The following TECRL variants were observed in gnomAD, a reference collection of about 807,000 sequenced individuals.
The protein encoded by TECRL is trans-2,3-enoyl-CoA reductase-like.
In TECRL, 63 loss-of-function variants were observed where a neutral mutation model predicts 52.8. The ratio of observed to expected loss-of-function variants is 1.19; its 90% CI spans 0.97 to 1.47. The LOEUF is 1.47. Among genes scored for constraint, TECRL ranks in the 40% most tolerant of loss-of-function variants. The probability of loss-of-function intolerance (pLI) is 0.00; values close to 1 mark genes in which losing one functional copy is unlikely to be tolerated. For missense variants in TECRL, 482 were observed against 429.6 expected, an observed-to-expected ratio of 1.12 and a Z score of -1.08; for synonymous variants, 164 against 141.9, an observed-to-expected ratio of 1.16 and a Z score of -1.10.
At chr4:64,351,727 T>C (rs1325739328) in intron 2 of TECRL, among the ~76,000 whole-genome samples, 1 of 152,202 alleles carries the variant, frequency 6.6e-6, no homozygotes, top group Non-Finnish European at 1.5e-5. Flanking sequence ...TATGAATTGA[T>C]AAAAAAGATT....
intron 8 of TECRL, among the ~76,000 whole-genome samples, chr4:64,299,528 A>G (rs1723881981): frequency 6.6e-6 from 1 of 151,168 alleles, no homozygotes; most frequent in African/African-American, 2.4e-5. Flanking sequence ...ATAACAATCT[A>G]AAGAAATTGA....
intron 1 of TECRL, among the ~76,000 whole-genome samples, chr4:64,394,214 C>T (rs1463909922): frequency 6.6e-6 from 1 of 152,110 alleles, no homozygotes; most frequent in Non-Finnish European, 1.5e-5. Flanking sequence ...ACTGTAAAAT[C>T]ATCATTGCAG....
intron 2 of TECRL, among the ~76,000 whole-genome samples, chr4:64,361,467 T>G (rs1721190995): frequency 6.6e-6 from 1 of 151,962 alleles, no homozygotes; most frequent in Non-Finnish European, 1.5e-5. Flanking sequence ...CCCATTGGAG[T>G]GTGGTTGCCA....
intron 2 of TECRL, among the ~76,000 whole-genome samples, chr4:64,332,772 G>A (rs1718735593): frequency 6.6e-6 from 1 of 152,038 alleles, no homozygotes; most frequent in African/African-American, 2.4e-5. Context: ...ACTGGAAGTT[G>A]GAAGAAAATA....
intron 1 of TECRL, among the ~76,000 whole-genome samples, chr4:64,406,165 C>G (rs73821181): frequency 6.8e-6 from 1 of 146,082 alleles, no homozygotes; most frequent in Non-Finnish European, 1.5e-5. Context: ...CGCGCGCGCG[C>G]GTGTGTGTGT....
chr4:64,276,460 A>G (rs1441607992), downstream of TECRL: 2 of 151,884 alleles, frequency 1.3e-5, no homozygotes, highest in East Asian at 3.9e-4. Context: ...ATTTTTCTGC[A>G]TTTAAATTTT....
intron 1 of TECRL, among the ~76,000 whole-genome samples, chr4:64,386,166 C>G (rs1723166278): frequency 6.6e-6 from 1 of 152,094 alleles, no homozygotes; most frequent in Non-Finnish European, 1.5e-5. Flanking sequence ...TTACCAATAA[C>G]ATAGAATCAA....
At chr4:64,287,462 G>C (rs189797727) in intron 9 of TECRL, among the ~76,000 whole-genome samples, 1 of 152,016 alleles carries the variant, frequency 6.6e-6, no homozygotes, top group Non-Finnish European at 1.5e-5. Flanking sequence ...AATTCAAGTT[G>C]ATGTTGAATG....
At chr4:64,309,723 C>A (rs778603008) in intron 6 of TECRL, 103 bp downstream of exon 6, 1 of 786,234 alleles carries the variant, frequency 1.3e-6, no homozygotes. Flanking sequence ...TGCAATTAAA[C>A]GTGAAAATCT....
chr4:64,394,647 A>C (rs1723793558), intron 1 of TECRL, among the ~76,000 whole-genome samples: 1 of 152,186 alleles, frequency 6.6e-6, no homozygotes, highest in Non-Finnish European at 1.5e-5. Context: ...TAGGTCTTGA[A>C]CACAGAGTGT....
intron 2 of TECRL, among the ~76,000 whole-genome samples, chr4:64,352,365 C>T (rs1273397636): frequency 6.6e-6 from 1 of 151,996 alleles, no homozygotes; most frequent in East Asian, 1.9e-4. Flanking sequence ...CAAATCTGTC[C>T]TGAGAGAGGA....
At chr4:64,322,875 A>T (rs568549941) in intron 3 of TECRL, 83 bp from the exon 4 acceptor site, 1 of 986,774 alleles carries the variant, frequency 1.0e-6, no homozygotes, top group African/African-American at 1.7e-5. Context: ...TAAAATCAGT[A>T]AAAGCTAAAG....
intron 6 of TECRL, among the ~76,000 whole-genome samples, chr4:64,306,128 CTCTT>C (rs1724323418): frequency 6.6e-6 from 1 of 152,112 alleles, no homozygotes; most frequent in African/African-American, 2.4e-5. Context: ...GCTCTTGCCT[CTCTT>C]TATTATATGA....
At chr4:64,369,259 A>G (rs1721824346) in intron 2 of TECRL, among the ~76,000 whole-genome samples, 1 of 152,164 alleles carries the variant, frequency 6.6e-6, no homozygotes, top group African/African-American at 2.4e-5. Context: ...ACAATCTCAA[A>G]GGAGAATATT....
intron 5 of TECRL, among the ~76,000 whole-genome samples, chr4:64,311,152 G>A (rs897007652): frequency 2.6e-5 from 4 of 152,178 alleles, no homozygotes; most frequent in East Asian, 1.9e-4. Context: ...TTTCTGGTAC[G>A]AGTAGGGTGA....
chr4:64,384,858 G>T (rs768329972), intron 1 of TECRL, among the ~76,000 whole-genome samples: 1 of 152,156 alleles, frequency 6.6e-6, no homozygotes, highest in Non-Finnish European at 1.5e-5. Flanking sequence ...CACTGGAAAA[G>T]GTGGTCCCAG....
chr4:64,337,055 G>T (rs1395400482), intron 2 of TECRL, among the ~76,000 whole-genome samples: 1 of 152,128 alleles, frequency 6.6e-6, no homozygotes, highest in Admixed American at 6.6e-5. Context: ...TCAATTCCTG[G>T]ATATCCTTGT....
chr4:64,387,114 A>G (rs1036480944), intron 1 of TECRL, among the ~76,000 whole-genome samples: 4 of 152,170 alleles, frequency 2.6e-5, no homozygotes, highest in African/African-American at 9.6e-5. Flanking sequence ...CTAATCTTTT[A>G]GCTGTCATCA....
At chr4:64,321,329 G>A (rs1717886942) in intron 4 of TECRL, among the ~76,000 whole-genome samples, 1 of 151,794 alleles carries the variant, frequency 6.6e-6, no homozygotes, top group African/African-American at 2.4e-5. Flanking sequence ...TACAAAAATT[G>A]GTTGTTTAAT....
Sources: allele counts gnomAD v4.1 joint callset (sites outside exome capture counted in the v4.1 genomes callset), GRCh38; gene constraint gnomAD v4.1.1; transcripts MANE v1.5; gene names NCBI Gene and HGNC (gene_info 2026-07-23, HGNC 2026-07-21).